PDE1C: variants seen among roughly 807,000 people sequenced by gnomAD.
The protein encoded by PDE1C is phosphodiesterase 1C.
PDE1C carries 62 observed loss-of-function variants against 93.1 expected under a neutral mutation model. The ratio of observed to expected loss-of-function variants is 0.67; its 90% confidence interval spans 0.54 to 0.82. PDE1C has a LOEUF of 0.82. Among genes scored for constraint, PDE1C ranks in the 40% least tolerant of loss-of-function variants. The pLI, the probability that PDE1C is intolerant of heterozygous loss-of-function variation, is 0.00. For synonymous variants in PDE1C, 325 were observed against 310.1 expected (o/e 1.05, Z -0.50); for missense variants, 742 against 884.6 (o/e 0.84, Z 2.04).
chr7:32,299,517 G>A (rs1226182866), upstream of PDE1C: 24 of 733,252 alleles, frequency 3.3e-5, no homozygotes, highest in South Asian at 6.1e-5. Context: ...AGCTTGTCCT[G>A]TCCTTTCGAA....
intron 3 of PDE1C, among the ~76,000 whole-genome samples, chr7:32,094,483 A>G (rs1797640689): frequency 6.6e-6 from 1 of 152,206 alleles, no homozygotes; most frequent in Admixed American, 6.5e-5. Flanking sequence ...ACTGCTAAAC[A>G]AGTTCACATA....
intron 5 of PDE1C, among the ~76,000 whole-genome samples, chr7:31,874,396 T>C (rs944431911): frequency 6.6e-6 from 1 of 152,232 alleles, no homozygotes; most frequent in Non-Finnish European, 1.5e-5. Context: ...AGGTGAAGCA[T>C]ATTCACTTGA....
intron 1 of PDE1C, among the ~76,000 whole-genome samples, chr7:32,340,781 T>C (rs998370682): frequency 6.6e-6 from 1 of 152,186 alleles, no homozygotes; most frequent in Non-Finnish European, 1.5e-5. Flanking sequence ...TATGACATTC[T>C]AGAAAAGAAA....
intron 16 of PDE1C, among the ~76,000 whole-genome samples, chr7:31,783,118 C>T (rs1783561412): frequency 6.6e-6 from 1 of 152,148 alleles, no homozygotes; most frequent in Non-Finnish European, 1.5e-5. Flanking sequence ...AAATATACCC[C>T]TTTCAAGAGT....
chr7:31,986,929 A>ACACACACAC, intron 2 of PDE1C, among the ~76,000 whole-genome samples: 1 of 149,892 alleles, frequency 6.7e-6, no homozygotes, highest in African/African-American at 2.4e-5. Flanking sequence ...ATTGAACACG[A>ACACACACAC]ACACACACAC....
At chr7:32,389,861 G>A (rs144625588) in intron 1 of PDE1C, among the ~76,000 whole-genome samples, 2 of 152,236 alleles carry the variant, frequency 1.3e-5, no homozygotes, top group African/African-American at 2.4e-5. Context: ...TGAAAAACTT[G>A]TCTAAATTCC....
Position 31,864,990 on chromosome 7 carries a change from G to A in PDE1C, c.702C>T (p.Ala234=), listed in dbSNP as rs144232866. Residue 234 remains alanine (A), a synonymous_variant, in exon 7 of 18, where the codon GCC becomes GCT. Coordinates refer to ENST00000396191, the MANE Select transcript of PDE1C (RefSeq NM_001191057.4). ...KNPYHNLMHA[A]DVTQTVHYLL... Reference sequence around the variant, plus strand: ...GGTAATGCACTGTCTGTGTAACATCGGCAGCGTGCATTAAGTTATGGTAAG... The same window carrying A: ...GGTAATGCACTGTCTGTGTAACATCAGCAGCGTGCATTAAGTTATGGTAAG... 2.1e-4 allele frequency: 332 copies of A among 1,613,836 alleles called. No homozygotes were observed. The highest frequency in any genetic ancestry group is 5.3e-4 in the Admixed American group (32 of 59,988).
the PDE1C span, chr7:31,653,117 A>T: frequency 3.8e-6 from 2 of 528,988 alleles, no homozygotes; most frequent in African/African-American, 3.8e-5. Context: ...GGGAGATAGA[A>T]TTGCAAACAA....
chr7:31,686,591 C>A, the PDE1C span: 1 of 152,204 alleles, frequency 6.6e-6, no homozygotes, highest in Non-Finnish European at 1.5e-5. Context: ...CCCATTCAAA[C>A]CCTAGCTTCA....
chr7:32,214,232 A>T (rs539964556), intron 1 of PDE1C, among the ~76,000 whole-genome samples: 13 of 149,394 alleles, frequency 8.7e-5, no homozygotes, highest in South Asian at 2.1e-4. Flanking sequence ...TATATATATA[A>T]AATATGTTTT....
chr7:32,153,716 T>C (rs1394499483), intron 3 of PDE1C, among the ~76,000 whole-genome samples: 1 of 152,178 alleles, frequency 6.6e-6, no homozygotes, highest in Non-Finnish European at 1.5e-5. Flanking sequence ...AAAGGCAAGA[T>C]TTTCAAGTGG....
At chr7:31,827,308 TTGCCCAGACAA>T (rs887490548) in intron 12 of PDE1C, among the ~76,000 whole-genome samples, 23 of 152,238 alleles carry the variant, frequency 1.5e-4, no homozygotes, top group African/African-American at 5.1e-4. Context: ...AGATCACCAT[TTGCCCAGACAA>T]TGCCTACTCA....
At chr7:31,770,984 T>TGTTTGC (rs1460626768) in intron 17 of PDE1C, among the ~76,000 whole-genome samples, 2 of 152,238 alleles carry the variant, frequency 1.3e-5, no homozygotes, top group Non-Finnish European at 2.9e-5. Flanking sequence ...AATGACTATA[T>TGTTTGC]GTTTGCTTCC....
chr7:31,851,757 T>G (rs1442170473), intron 7 of PDE1C, among the ~76,000 whole-genome samples: 1 of 152,240 alleles, frequency 6.6e-6, no homozygotes, highest in African/African-American at 2.4e-5. Flanking sequence ...GACACAAAAT[T>G]GGAGTTGTTA....
chr7:32,039,030 C>T (rs1317447671), intron 2 of PDE1C, among the ~76,000 whole-genome samples: 1 of 151,968 alleles, frequency 6.6e-6, no homozygotes, highest in African/African-American at 2.4e-5. Context: ...GCTCATGGGC[C>T]ACCACCACCA....
chr7:32,229,921 G>C lies in PDE1C; in HGVS notation c.86-20382C>G, dbSNP rs1046399802. 1.3e-4 allele frequency among the ~76,000 whole-genome samples: 20 copies of C among 152,174 alleles called. 1 individual carries two copies. The highest frequency in any genetic ancestry group is 7.2e-4 in the Admixed American group (11 of 15,276). On this transcript the variant is annotated intron_variant, in intron 1 of 18. Transcript: ENST00000396193. ...TCTTTTGCAGCAGAATCACTTTTTC[G>C]ATTGTGAGTGGAGGCAGTGAGTGAA... is the stretch of plus-strand genomic sequence containing the variant.
intron 1 of PDE1C, among the ~76,000 whole-genome samples, chr7:32,407,466 T>TC (rs1418460048): frequency 6.6e-6 from 1 of 152,032 alleles, no homozygotes; most frequent in African/African-American, 2.4e-5. Context: ...ATGTTTGCCT[T>TC]CCCCCATGAT....
At chr7:32,307,915 C>A (rs951213149) in intron 1 of PDE1C, among the ~76,000 whole-genome samples, 1 of 152,140 alleles carries the variant, frequency 6.6e-6, no homozygotes, top group African/African-American at 2.4e-5. Flanking sequence ...GTGCGTGAGC[C>A]GAAGCAGGGC....
chr7:32,387,248 A>G (rs191355993), intron 1 of PDE1C, among the ~76,000 whole-genome samples: 5,874 of 152,186 alleles, frequency 0.039, 291 homozygotes, highest in African/African-American at 0.11. Flanking sequence ...AGTACAGAAC[A>G]AAATGAAAAG....
Sources: gnomAD v4.1 joint callset for allele counts (sites outside exome capture counted in the v4.1 genomes callset) on GRCh38, gnomAD v4.1.1 for gene constraint, MANE v1.5 for transcripts, NCBI Gene and HGNC (gene_info 2026-07-23, HGNC 2026-07-21) for gene names.